Variants in DCC observed in about 807,000 individuals in gnomAD.
DCC encodes the protein DCC netrin 1 receptor.
A neutral mutation model predicts 172.5 loss-of-function variants in DCC; 58 were observed. The ratio of observed to expected loss-of-function variants is 0.34; its 90% CI spans 0.27 to 0.42. The LOEUF is 0.42. DCC is among the 10% of genes least tolerant of loss of function. The probability of loss-of-function intolerance (pLI) is 1.00; values close to 1 mark genes in which losing one functional copy is unlikely to be tolerated. For synonymous variants in DCC, 709 were observed against 644.5 expected (o/e 1.10, Z -1.52); for missense variants, 1,740 against 1,791.0 (o/e 0.97, Z 0.51).
At chr18:53,508,992 A>AGGT (rs571358248) in intron 27 of DCC, among the ~76,000 whole-genome samples, 2 of 152,350 alleles carry the variant, frequency 1.3e-5, no homozygotes, top group South Asian at 4.1e-4. Flanking sequence ...TGTACAGATT[A>AGGT]GGTGGTCACT....
At chr18:53,068,548 C>T (rs1476767842) in intron 7 of DCC, among the ~76,000 whole-genome samples, 1 of 151,816 alleles carries the variant, frequency 6.6e-6, no homozygotes, top group Non-Finnish European at 1.5e-5. Context: ...GGCCATAAAG[C>T]TGATGACAAT....
intron 1 of DCC, among the ~76,000 whole-genome samples, chr18:52,643,186 G>A (rs1336685217): frequency 2.0e-5 from 3 of 152,286 alleles, no homozygotes; most frequent in East Asian, 3.9e-4. Context: ...TAGTCTCAGT[G>A]TTTGGTTGTA....
chr18:52,848,150 A>G (rs1279684652), intron 2 of DCC, among the ~76,000 whole-genome samples: 1 of 149,206 alleles, frequency 6.7e-6, no homozygotes, highest in Non-Finnish European at 1.5e-5. Context: ...CAGTGGTGCA[A>G]TCTCAGCTCA....
intron 2 of DCC, among the ~76,000 whole-genome samples, chr18:52,814,445 C>G (rs1019298297): frequency 5.3e-5 from 8 of 152,186 alleles, no homozygotes; most frequent in African/African-American, 1.9e-4. Context: ...GACACCTCCT[C>G]TTTCAGGCAA....
intron 15 of DCC, among the ~76,000 whole-genome samples, chr18:53,384,422 T>G (rs1907987686): frequency 6.6e-6 from 1 of 152,164 alleles, no homozygotes; most frequent in South Asian, 2.1e-4. Flanking sequence ...GTTTTTATTT[T>G]CCTTTGGATT....
intron 5 of DCC, among the ~76,000 whole-genome samples, chr18:52,967,845 G>A (rs889468586): frequency 1.1e-4 from 17 of 152,120 alleles, no homozygotes; most frequent in African/African-American, 4.1e-4. Flanking sequence ...CAATATAATT[G>A]TGGCACTTTA....
At chr18:52,858,701 G>GT (rs902564911) in intron 2 of DCC, among the ~76,000 whole-genome samples, 1 of 152,204 alleles carries the variant, frequency 6.6e-6, no homozygotes, top group Non-Finnish European at 1.5e-5. Flanking sequence ...CCATGGGGGA[G>GT]TTCAAACTGA....
At chr18:53,222,217 C>T (rs1297029184) in intron 12 of DCC, among the ~76,000 whole-genome samples, 1 of 152,012 alleles carries the variant, frequency 6.6e-6, no homozygotes, top group Non-Finnish European at 1.5e-5. Flanking sequence ...ATGCATCATT[C>T]CAACTTAACT....
chr18:53,204,133 T>C (rs1370219271), intron 9 of DCC, among the ~76,000 whole-genome samples: 3 of 147,060 alleles, frequency 2.0e-5, no homozygotes, highest in African/African-American at 8.1e-5. Flanking sequence ...TTACTGCAAA[T>C]ATATAGTTAC....
intron 1 of DCC, among the ~76,000 whole-genome samples, chr18:52,602,332 T>C (rs2144819134): frequency 6.6e-6 from 1 of 152,024 alleles, no homozygotes; most frequent in African/African-American, 2.4e-5. Context: ...TCATATAGGG[T>C]CTTCTACCTT....
chr18:53,027,519 G>A (rs527479667), intron 5 of DCC, among the ~76,000 whole-genome samples: 1 of 152,248 alleles, frequency 6.6e-6, no homozygotes, highest in Non-Finnish European at 1.5e-5. Context: ...TGATGTTCAG[G>A]AAATGTCAGT....
Position 52,920,532 on chromosome 18 carries a change from AAT to A in DCC, c.698-3173_698-3172del, listed in dbSNP as rs918483304. ...ATTAGAATGGCTAAAATACAAAAAA[AAT>A]AATGGCAATAGCAAATGCTGACAAG... On this transcript the variant is annotated intron_variant, in intron 3 of 28. Coordinates refer to ENST00000442544, the MANE Select transcript of DCC (RefSeq NM_005215.4). Among the ~76,000 whole-genome samples, 315 of 152,208 alleles carry A rather than the reference AAT, an allele frequency of 2.1e-3. 1 individual carries two copies. The highest frequency in any genetic ancestry group is 7.2e-3 in the African/African-American group (299 of 41,518).
rs1299506134 is a variant in DCC at position 52,671,463 on chromosome 18, T to C, written c.92-80591T>C. 3.3e-5 allele frequency among the ~76,000 whole-genome samples: 5 copies of C among 152,124 alleles called. No homozygotes were observed. The East Asian group carries it at 5.8e-4, about 18-fold the overall frequency. On this transcript the variant is annotated intron_variant, in intron 1 of 28. Transcript: ENST00000442544. ...TAAAAAAATCAAAAGGCTCAGATGATGTAGTTTTCTATCAGAATCTTTTCT... is the reference window on the plus strand; with the variant it reads ...TAAAAAAATCAAAAGGCTCAGATGACGTAGTTTTCTATCAGAATCTTTTCT...
At chr18:52,813,579 G>A (rs1339771552) in intron 2 of DCC, among the ~76,000 whole-genome samples, 3 of 152,108 alleles carry the variant, frequency 2.0e-5, no homozygotes, top group Admixed American at 6.6e-5. Flanking sequence ...AATGTGTGAT[G>A]GTTAATTGTG....
At chr18:52,992,976 CT>C (rs1265865927) in intron 5 of DCC, among the ~76,000 whole-genome samples, 2 of 137,512 alleles carry the variant, frequency 1.5e-5, no homozygotes, top group African/African-American at 2.7e-5. Context: ...GAGACTCTGT[CT>C]CAAATTTAAA....
chr18:52,838,182 T>A (rs937753370), intron 2 of DCC, among the ~76,000 whole-genome samples: 5 of 48,322 alleles, frequency 1.0e-4, no homozygotes. Context: ...GAAGGAGCAC[T>A]CTCTATTTGT....
chr18:53,074,390 C>A (rs1219299966), intron 7 of DCC, among the ~76,000 whole-genome samples: 1 of 152,122 alleles, frequency 6.6e-6, no homozygotes, highest in African/African-American at 2.4e-5. Context: ...CATAAAAGTG[C>A]AACTTAATAT....
rs1254203093 is a variant in DCC at position 52,927,054 on chromosome 18, T to C, written c.985+1684T>C. The stretch of plus-strand genomic sequence containing the variant: ...GTATGAGTATGCCAATACATATATA[T>C]ACACATATATACACACATATATGTG... On this transcript the variant is annotated intron_variant, in intron 5 of 28. Transcript: ENST00000442544. 3.7e-5 allele frequency among the ~76,000 whole-genome samples: 5 copies of C among 136,180 alleles called. 2 individuals are homozygous for C. The highest frequency in any genetic ancestry group is 1.1e-4 in the African/African-American group (4 of 38,054). 89.3% of individuals were successfully genotyped at this position (136,180 alleles called of 152,430 possible).
intron 1 of DCC, among the ~76,000 whole-genome samples, chr18:52,680,780 T>C (rs1485166023): frequency 6.6e-6 from 1 of 152,108 alleles, no homozygotes; most frequent in Non-Finnish European, 1.5e-5. Context: ...CTGTCTTAGA[T>C]GTTGTTAAAG....
Sources: allele counts gnomAD v4.1 joint callset (sites outside exome capture counted in the v4.1 genomes callset), GRCh38; gene constraint gnomAD v4.1.1; transcripts MANE v1.5; gene names NCBI Gene and HGNC (gene_info 2026-07-23, HGNC 2026-07-21).